Variants in HOXA10 observed in about 807,000 individuals in gnomAD.
HOXA10 encodes the protein homeobox A10.
Under a neutral mutation model 29.7 loss-of-function variants are expected in HOXA10, and 12 were observed. The ratio of observed to expected loss-of-function variants is 0.40; its 90% CI spans 0.26 to 0.65. The LOEUF (loss-of-function observed/expected upper bound fraction) is 0.65, where lower values mean the gene tolerates loss of function less well. HOXA10 is among the 30% of genes least tolerant of loss of function. The pLI is 0.37. For missense variants in HOXA10, 656 were observed against 585.9 expected, an observed-to-expected ratio of 1.12 and a Z score of -1.24; for synonymous variants, 327 against 280.7, an observed-to-expected ratio of 1.16 and a Z score of -1.65.
rs1425221169 is a variant in HOXA10, at chr7:27,174,214, G to T, written c.93C>A (p.Val31=). The change falls in exon 1 of 2, where the codon GTC becomes GTA. Residue 31 remains valine (V), a synonymous_variant. Coordinates refer to ENST00000283921, the MANE Select transcript of HOXA10 (RefSeq NM_018951.4). The part of the protein sequence containing the change: ...SESPAANSFL[V]DSLISSGRGE... Reference sequence around the variant, plus strand: ...CTCTGCCCGAGCTGATGAGCGAGTCGACCAAAAAAGAGTTCGCGGCGGGGC... The same window carrying T: ...CTCTGCCCGAGCTGATGAGCGAGTCTACCAAAAAAGAGTTCGCGGCGGGGC... The T allele has an allele frequency of 3.7e-6, 6 of 1,601,234 alleles. No homozygotes were observed. The Admixed American group carries it at 6.7e-5, about 18-fold the overall frequency.
upstream of HOXA10, among the ~76,000 whole-genome samples, chr7:27,175,921 C>G (rs936922082): frequency 6.6e-6 from 1 of 152,206 alleles, no homozygotes; most frequent in Admixed American, 6.5e-5. Context: ...CTGAGAGGAC[C>G]CTGAAAGCGC....
Position 27,171,498 on chromosome 7 carries a change from C to T in HOXA10, c.*401G>A, listed in dbSNP as rs1443691364. 2 of 462,414 alleles carry T rather than the reference C, an allele frequency of 4.3e-6. No homozygotes were observed. The highest frequency in any genetic ancestry group is 3.1e-5 in the South Asian group (2 of 64,532). The allele number at this position is 462,414 out of a possible 1,614,324, so 28.6% of individuals were successfully genotyped here. On this transcript the variant is annotated 3_prime_UTR_variant, in exon 2 of 2. Transcript: ENST00000283921. Reference sequence around the variant, plus strand: ...ATTGACCTCAGGCCAGACACCTCAGCGCCAACAATGGGACCTCGGCCTTCC... The same window carrying T: ...ATTGACCTCAGGCCAGACACCTCAGTGCCAACAATGGGACCTCGGCCTTCC...
intron 1 of HOXA10, chr7:27,172,465 C>A (rs548196830): frequency 6.0e-6 from 3 of 500,738 alleles, no homozygotes; most frequent in East Asian, 3.8e-5. Flanking sequence ...CCTGGGAGGG[C>A]AGGCTGTACA....
Position 27,174,156 on chromosome 7 carries a change from C to A in HOXA10, c.151G>T (p.Gly51Cys), listed in dbSNP as rs1461860989. Residue 51 changes from glycine (G) to cysteine (C), a missense_variant, in exon 1 of 2, where the codon GGC (glycine) becomes TGC (cysteine). Coordinates refer to ENST00000283921, the MANE Select transcript of HOXA10 (RefSeq NM_018951.4). ...GCGTAGTAACCGCCACCGCCGCCGC[C>A]CCCCGCGCCACCACCACCGCCGCCT... ...EAGGGGGGAG[G>C]GGGGGYYAHG... 1.3e-6 allele frequency: 2 copies of A among 1,595,946 alleles called. No individual in the cohort carries two copies. Among genetic ancestry groups the A allele is most frequent in the Non-Finnish European group, 8.5e-7 (1 of 1,178,992 alleles).
Position 27,174,062 on chromosome 7 carries a change from G to A in HOXA10, c.245C>T (p.Pro82Leu), listed in dbSNP as rs1283537309. The A allele has an allele frequency of 6.4e-7, 1 of 1,550,674 alleles. No individual in the cohort carries two copies. The highest frequency in any genetic ancestry group is 8.7e-7 in the Non-Finnish European group (1 of 1,154,762). ...PYGLQSCGLF[P>L]TLGGKRNEAA... ...CTCATTGCGCTTGCCGCCCAGCGTGGGGAAGAGCCCGCAGCTCTGCAGCCC... is the reference window on the plus strand; with the variant it reads ...CTCATTGCGCTTGCCGCCCAGCGTGAGGAAGAGCCCGCAGCTCTGCAGCCC... The change falls in exon 1 of 2, where the codon CCC becomes CTC. Residue 82 changes from proline to leucine, a missense_variant. Pro to Leu is a moderately conservative substitution (Grantham distance 98). Around this residue, in one of 2 missense-constraint regions of HOXA10, gnomAD observed 594 missense variants for 491.9 expected, o/e 1.21. Coordinates refer to ENST00000283921, the MANE Select transcript of HOXA10 (RefSeq NM_018951.4).
intron 1 of HOXA10, 86 bp from the exon 2 acceptor site, chr7:27,172,259 T>A: frequency 7.4e-7 from 1 of 1,345,464 alleles, no homozygotes. Context: ...GTTTCTCCCA[T>A]AAGAGAGATG....
chr7:27,174,002 C>A lies in HOXA10; in HGVS notation c.305G>T (p.Gly102Val), dbSNP rs781630554. 1.0e-5 allele frequency: 16 copies of A among 1,528,668 alleles called. No homozygotes were observed. In the South Asian group the frequency reaches 1.8e-4, roughly 17 times the overall value. The allele number at this position is 1,528,668 out of a possible 1,614,324, so 94.7% of individuals were successfully genotyped here. A position where few individuals can be genotyped will look rare whatever the true frequency, so the allele number is the denominator to read the frequency against. ...ASPGSGGGGG[G>V]LGPGAHGYGP... is the part of the protein sequence containing the mutation. ...GTAGCCGTGCGCCCCGGGACCTAGA[C>A]CCCCGCCACCGCCACCGCTGCCCGG... Residue 102 changes from glycine (G) to valine (V), a missense_variant, in exon 1 of 2, where the codon GGT (glycine) becomes GTT (valine). Coordinates refer to ENST00000283921, the MANE Select transcript of HOXA10 (RefSeq NM_018951.4).
rs750273958 is a variant in HOXA10 at position 27,173,920 on chromosome 7, C to T, written c.387G>A (p.Pro129=). Residue 129 remains proline, a synonymous_variant, in exon 1 of 2, where the codon CCG becomes CCA. Coordinates refer to ENST00000283921, the MANE Select transcript of HOXA10 (RefSeq NM_018951.4). ...GGGGCGGCGGCGGCGGCCCGTCAGG[C>T]GGCTCCATCCGGCAAGACCGGGGCG... is the stretch of plus-strand genomic sequence containing the variant. ...LDAPRSCRME[P]PDGPPPPPQQ... 2.0e-6 allele frequency: 3 copies of T among 1,518,894 alleles called. No individual in the cohort carries two copies. Among genetic ancestry groups the T allele is most frequent in the African/African-American group, 2.8e-5 (2 of 70,420 alleles). 94.1% of individuals were successfully genotyped at this position (1,518,894 alleles called of 1,614,324 possible). A position where few individuals can be genotyped will look rare whatever the true frequency, so the allele number is the denominator to read the frequency against.
At chr7:27,175,859 C>T (rs114479446), upstream of HOXA10, among the ~76,000 whole-genome samples, 389 of 152,368 alleles carry the variant, frequency 2.6e-3, 2 homozygotes, top group African/African-American at 8.9e-3. Flanking sequence ...TCATACGCGG[C>T]ACTTTGCCTC....
At chr7:27,175,524 T>G (rs1207707187), upstream of HOXA10, among the ~76,000 whole-genome samples, 1 of 152,184 alleles carries the variant, frequency 6.6e-6, no homozygotes, top group Admixed American at 6.5e-5. Context: ...ATGGTCCTGT[T>G]ATAAGAGCAT....
At chr7:27,172,231 C>A (rs916992023) in intron 1 of HOXA10, 58 bp from the exon 2 acceptor site, 2 of 1,562,334 alleles carry the variant, frequency 1.3e-6, no homozygotes, top group Admixed American at 1.7e-5. Context: ...GGGCTGCCCG[C>A]GGGGGTGAAT....
At chr7:27,178,023 T>C, upstream of HOXA10, among the ~76,000 whole-genome samples, 1 of 152,238 alleles carries the variant, frequency 6.6e-6, no homozygotes, top group Non-Finnish European at 1.5e-5. Flanking sequence ...AGGTACTCCT[T>C]CTGAGTAGGC....
rs1003665653 is a variant in HOXA10, at chr7:27,174,085, C to T, written c.222G>A (p.Gly74=). The change falls in exon 1 of 2, where the codon GGG becomes GGA. Residue 74 remains glycine (G), a synonymous_variant. Transcript: ENST00000283921. Reference sequence around the variant, plus strand: ...TGGGGAAGAGCCCGCAGCTCTGCAGCCCGTAGGGCAGGTCGGCGGCGGGCG... The same window carrying T: ...TGGGGAAGAGCCCGCAGCTCTGCAGTCCGTAGGGCAGGTCGGCGGCGGGCG... ...YLPPAADLPY[G]LQSCGLFPTL... The T allele has an allele frequency of 5.1e-6, 8 of 1,564,364 alleles. No homozygotes were observed. The highest frequency in any genetic ancestry group is 6.9e-6 in the Non-Finnish European group (8 of 1,161,660).
upstream of HOXA10, among the ~76,000 whole-genome samples, chr7:27,176,125 G>A (rs1004087777): frequency 6.6e-6 from 1 of 152,240 alleles, no homozygotes; most frequent in African/African-American, 2.4e-5. Flanking sequence ...TGCGGAGGAG[G>A]AGGATGGAGA....
chr7:27,179,779 G>A (rs1476913585), exon 1 of HOXA10: 1 of 710,918 alleles, frequency 1.4e-6, no homozygotes, highest in South Asian at 1.5e-5. Flanking sequence ...CCCTTTTTCT[G>A]TTATGAAGGG....
chr7:27,171,053 T>G lies in HOXA10; in HGVS notation c.*846A>C. On this transcript the variant is annotated 3_prime_UTR_variant, in exon 2 of 2. Coordinates refer to ENST00000283921, the MANE Select transcript of HOXA10 (RefSeq NM_018951.4). ...TGTGCTTGTCACATGTTACCAGTGG[T>G]AACAATTTTAATGACAAAAAAATCC... 2.2e-6 allele frequency: 1 copy of G among 450,462 alleles called. No individual in the cohort carries two copies. The allele number at this position is 450,462 out of a possible 1,614,324, so 27.9% of individuals were successfully genotyped here. A position where few individuals can be genotyped will look rare whatever the true frequency, so the allele number is the denominator to read the frequency against.
upstream of HOXA10, among the ~76,000 whole-genome samples, chr7:27,177,126 T>G (rs1783666193): frequency 6.6e-6 from 1 of 152,180 alleles, no homozygotes; most frequent in African/African-American, 2.4e-5. Flanking sequence ...GTTACAAAAG[T>G]CAGTTTGTAT....
rs771722221 is a variant in HOXA10 at position 27,174,060 on chromosome 7, TG to T, written c.246del (p.Thr83ArgfsTer21). 1.3e-6 allele frequency: 2 copies of T among 1,549,382 alleles called. No homozygotes were observed. The highest frequency in any genetic ancestry group is 8.7e-7 in the Non-Finnish European group (1 of 1,154,246). On this transcript the variant is annotated frameshift_variant, in exon 1 of 2. Coordinates refer to ENST00000283921, the MANE Select transcript of HOXA10 (RefSeq NM_018951.4). LOFTEE classifies it high-confidence loss of function. ...PYGLQSCGLFPTLGGKRNEAA... is the reference protein window; with the variant it reads ...PYGLQSCGLFXTLGGKRNEAA... The stretch of plus-strand genomic sequence containing the variant: ...GCCTCATTGCGCTTGCCGCCCAGCG[TG>T]GGGAAGAGCCCGCAGCTCTGCAGCC...
In HOXA10 at chr7:27,171,404, C is replaced by A. The variant is rs972759225; in HGVS notation, c.*495G>T. ...AAGAAAGAAAAAAGAAACCCAGGGG[C>A]CTGTATCCCCTGATTAAACACAGCA... On this transcript the variant is annotated 3_prime_UTR_variant, in exon 2 of 2. Coordinates refer to ENST00000283921, the MANE Select transcript of HOXA10 (RefSeq NM_018951.4). 8.8e-6 allele frequency: 4 copies of A among 455,136 alleles called. No homozygotes were observed. Among genetic ancestry groups the A allele is most frequent in the Non-Finnish European group, 1.8e-5 (4 of 227,208 alleles). 28.2% of individuals were successfully genotyped at this position (455,136 alleles called of 1,614,324 possible). A position where few individuals can be genotyped will look rare whatever the true frequency, so the allele number is the denominator to read the frequency against.
Sources: gnomAD v4.1 joint callset for allele counts (sites outside exome capture counted in the v4.1 genomes callset) on GRCh38, gnomAD v4.1.1 for gene constraint, gnomAD v4.1.1 regional missense constraint, MANE v1.5 for transcripts, NCBI Gene and HGNC (gene_info 2026-07-23, HGNC 2026-07-21) for gene names.